The following ADRA1A variants were observed in gnomAD, a reference collection of about 807,000 sequenced individuals.
The protein encoded by ADRA1A is alpha-1A adrenergic receptor.
Under a neutral mutation model 29.6 loss-of-function variants are expected in ADRA1A, and 31 were observed. The ratio of observed to expected loss-of-function variants is 1.05; its 90% CI spans 0.79 to 1.41. The LOEUF (loss-of-function observed/expected upper bound fraction) is 1.41. Ranked by LOEUF, ADRA1A falls within the 40% of genes most tolerant of loss-of-function variation. ADRA1A has a pLI of 0.00. For synonymous variants in ADRA1A, 311 were observed against 254.3 expected (o/e 1.22, Z -2.12); for missense variants, 619 against 601.1 (o/e 1.03, Z -0.31).
downstream of ADRA1A, among the ~76,000 whole-genome samples, chr8:26,755,004 A>G (rs887818709): frequency 3.9e-5 from 6 of 152,144 alleles, no homozygotes; most frequent in African/African-American, 1.4e-4. Context: ...TGTTGGAAAA[A>G]CTTGTTTTTT....
At chr8:26,827,861 C>A (rs1393461616) in intron 2 of ADRA1A, among the ~76,000 whole-genome samples, 1 of 152,088 alleles carries the variant, frequency 6.6e-6, no homozygotes, top group African/African-American at 2.4e-5. Context: ...AGCACTGAGA[C>A]TCTGTCTTCT....
Position 26,770,556 on chromosome 8 carries a change from C to T in ADRA1A, c.994G>A (p.Glu332Lys), listed in dbSNP as rs766276890. The T allele has an allele frequency of 3.1e-6, 5 of 1,614,028 alleles. No homozygotes were observed. The South Asian group carries it at 5.5e-5, about 18-fold the overall frequency. Residue 332 changes from glutamate (E) to lysine (K), a missense_variant, in exon 3 of 3, where the codon GAG (glutamate) becomes AAG (lysine). By Grantham distance (56) the Glu-to-Lys change is moderately conservative. Coordinates refer to ENST00000380573, the MANE Select transcript of ADRA1A (RefSeq NM_000680.4). ...NPIIYPCSSQ[E>K]FKKAFQNVLR... ...ACATTCTGAAAGGCCTTTTTGAACTCTTGGCTGGAGCATGGGTATATGATG... is the reference window on the plus strand; with the variant it reads ...ACATTCTGAAAGGCCTTTTTGAACTTTTGGCTGGAGCATGGGTATATGATG...
rs2130619521 is a variant in ADRA1A at position 26,825,515 on chromosome 8, T to C, written c.883+38572A>G. On this transcript the variant is annotated intron_variant, in intron 2 of 2. Coordinates refer to ENST00000380573, the MANE Select transcript of ADRA1A (RefSeq NM_000680.4). The surrounding 1 kb of genome is among the most constrained non-coding windows in gnomAD (Gnocchi z 5.7). ...GGGGCTTCTCATCCCCTAAAGGCCA[T>C]ATTACCCCAACTTCTAGTTGTCAGC... is the stretch of plus-strand genomic sequence containing the variant. 6.6e-6 allele frequency among the ~76,000 whole-genome samples: 1 copy of C among 152,308 alleles called. No homozygotes were observed. Among genetic ancestry groups the C allele is most frequent in the African/African-American group, 2.4e-5 (1 of 41,574 alleles).
At chr8:26,758,347 C>T (rs563429070) in intron 2 of ADRA1A, among the ~76,000 whole-genome samples, 54 of 152,310 alleles carry the variant, frequency 3.5e-4, no homozygotes, top group African/African-American at 1.2e-3. Flanking sequence ...TATTTTCTCT[C>T]TTCCTGCACA....
chr8:26,753,859 A>G (rs1170733752), downstream of ADRA1A, among the ~76,000 whole-genome samples: 1 of 152,228 alleles, frequency 6.6e-6, no homozygotes, highest in African/African-American at 2.4e-5. Flanking sequence ...GAGAACACAT[A>G]TCAATATTGA....
At chr8:26,826,989 G>A (rs1383559961) in intron 2 of ADRA1A, among the ~76,000 whole-genome samples, 3 of 152,192 alleles carry the variant, frequency 2.0e-5, no homozygotes, top group Non-Finnish European at 4.4e-5. Context: ...AGCTATGTAT[G>A]ATTGTGCCCG....
At chr8:26,781,856 A>AT (rs1238738164) in intron 2 of ADRA1A, among the ~76,000 whole-genome samples, 1 of 152,224 alleles carries the variant, frequency 6.6e-6, no homozygotes, top group Non-Finnish European at 1.5e-5. Context: ...GTCCCTTCAT[A>AT]TTCAGCTTAA....
At chr8:26,837,069 A>G (rs1301116096) in intron 2 of ADRA1A, among the ~76,000 whole-genome samples, 1 of 151,996 alleles carries the variant, frequency 6.6e-6, no homozygotes, top group African/African-American at 2.4e-5. Context: ...GCCTAATAGA[A>G]CTGTGATTAC....
At chr8:26,798,969 C>T (rs1051901718) in intron 2 of ADRA1A, among the ~76,000 whole-genome samples, 1 of 152,048 alleles carries the variant, frequency 6.6e-6, no homozygotes, top group African/African-American at 2.4e-5. Flanking sequence ...GCTTTATTCC[C>T]ATTTGATTTC....
intron 2 of ADRA1A, among the ~76,000 whole-genome samples, chr8:26,811,711 C>T (rs1809412648): frequency 6.6e-6 from 1 of 152,180 alleles, no homozygotes; most frequent in Non-Finnish European, 1.5e-5. Context: ...TAGAACATTT[C>T]CAGCACCTCA....
intron 2 of ADRA1A, among the ~76,000 whole-genome samples, chr8:26,855,291 G>A (rs912735317): frequency 3.3e-5 from 5 of 151,900 alleles, no homozygotes; most frequent in East Asian, 3.9e-4. Context: ...GATCACATCC[G>A]TTTTTGGAAA....
chr8:26,790,027 T>C (rs1053761921), intron 2 of ADRA1A, among the ~76,000 whole-genome samples: 3 of 152,128 alleles, frequency 2.0e-5, no homozygotes, highest in Non-Finnish European at 2.9e-5. Flanking sequence ...AGTACAGCCA[T>C]TGTAAAGAAC....
intron 2 of ADRA1A, among the ~76,000 whole-genome samples, chr8:26,772,415 T>G (rs1295274101): frequency 6.6e-6 from 1 of 152,208 alleles, no homozygotes; most frequent in African/African-American, 2.4e-5. Context: ...TTTCTTTTCT[T>G]TCTTGGCTCC....
At chr8:26,756,329 C>A (rs1458620993), downstream of ADRA1A, 1 of 719,222 alleles carries the variant, frequency 1.4e-6, no homozygotes, top group South Asian at 1.9e-5. Flanking sequence ...ATATTTTAAC[C>A]CATAAAAGTT....
In ADRA1A at chr8:26,769,412, T is replaced by C. The variant is rs1805975137; in HGVS notation, c.*737A>G. The C allele has an allele frequency of 1.0e-6, 1 of 985,316 alleles. No homozygotes were observed. Among genetic ancestry groups the C allele is most frequent in the Admixed American group, 6.1e-5 (1 of 16,262 alleles). The allele number at this position is 985,316 out of a possible 1,614,324, so 61.0% of individuals were successfully genotyped here. ...GAAAGAATGATGCTCAGGTCTATTG[T>C]TTTCTCTTGGGAAAAGCCATACCAC... On this transcript the variant is annotated 3_prime_UTR_variant, in exon 3 of 3. Coordinates refer to ENST00000380573, the MANE Select transcript of ADRA1A (RefSeq NM_000680.4).
chr8:26,753,754 A>T (rs1805026955), downstream of ADRA1A, among the ~76,000 whole-genome samples: 1 of 152,196 alleles, frequency 6.6e-6, no homozygotes, highest in Non-Finnish European at 1.5e-5. Flanking sequence ...TCTTTGCACT[A>T]CCCACTCCAT....
At chr8:26,781,342 C>T (rs1806965011) in intron 2 of ADRA1A, among the ~76,000 whole-genome samples, 1 of 152,220 alleles carries the variant, frequency 6.6e-6, no homozygotes, top group Non-Finnish European at 1.5e-5. Flanking sequence ...GTTTTAGTCT[C>T]CTTAAAGATA....
intron 2 of ADRA1A, among the ~76,000 whole-genome samples, chr8:26,798,242 G>T (rs1808320309): frequency 6.6e-6 from 1 of 152,194 alleles, no homozygotes; most frequent in Admixed American, 6.5e-5. Flanking sequence ...GCCTGCCAAA[G>T]TGCTGGGATT....
rs1158244766 is a variant in ADRA1A at position 26,821,171 on chromosome 8, T to C, written c.883+42916A>G. On this transcript the variant is annotated intron_variant, in intron 2 of 2. Coordinates refer to ENST00000380573, the MANE Select transcript of ADRA1A (RefSeq NM_000680.4). The surrounding 1 kb of genome is among the most constrained non-coding windows in gnomAD (Gnocchi z 5.6). ...TCGCAAAGTGCTGGGATTACAGGCA[T>C]GAGCCACCACGCCTGGCCACATTAG... is the stretch of plus-strand genomic sequence containing the variant. 6.6e-6 allele frequency among the ~76,000 whole-genome samples: 1 copy of C among 152,134 alleles called. No individual in the cohort carries two copies. The highest frequency in any genetic ancestry group is 1.9e-4 in the East Asian group (1 of 5,186).
Sources: allele counts gnomAD v4.1 joint callset (sites outside exome capture counted in the v4.1 genomes callset), GRCh38; gene constraint gnomAD v4.1.1; non-coding constraint Gnocchi (gnomAD v3.1); transcripts MANE v1.5; gene names NCBI Gene and HGNC (gene_info 2026-07-23, HGNC 2026-07-21).